Variants in MYO16 observed in about 807,000 individuals in gnomAD.
MYO16 encodes unconventional myosin-XVI.
A neutral mutation model predicts 205.3 loss-of-function variants in MYO16; 94 were observed. The observed-to-expected ratio is 0.46, with a 90% CI of 0.39 to 0.54. MYO16 has a LOEUF of 0.54. MYO16 is among the 20% of genes least tolerant of loss of function. The pLI is 0.00. For synonymous variants in MYO16, 988 were observed against 954.0 expected (o/e 1.04, Z -0.66); for missense variants, 2,315 against 2,387.5 (o/e 0.97, Z 0.63).
In MYO16 at chr13:108,705,495, T is replaced by C. The variant is rs548804114; in HGVS notation, c.293-7166T>C. ...TGAAGAGAGAAGGAGACCACATTCA[T>C]ATAACTTTTATTACAGTATATTGTT... On this transcript the variant is annotated intron_variant, in intron 2 of 34. Transcript: ENST00000457511. 9.2e-5 allele frequency among the ~76,000 whole-genome samples: 14 copies of C among 152,364 alleles called. No individual in the cohort carries two copies. The South Asian group carries it at 2.7e-3, about 29-fold the overall frequency.
chr13:109,045,883 G>A (rs1158320288), intron 23 of MYO16, among the ~76,000 whole-genome samples: 1 of 152,164 alleles, frequency 6.6e-6, no homozygotes, highest in East Asian at 1.9e-4. Context: ...AAAGAACTCA[G>A]GTTAGCCATC....
chr13:108,917,265 G>T (rs920018848), intron 16 of MYO16, among the ~76,000 whole-genome samples: 14 of 152,182 alleles, frequency 9.2e-5, no homozygotes, highest in African/African-American at 2.9e-4. Flanking sequence ...CCCATCCCGG[G>T]CCCCTAAGTT....
At chr13:108,533,353 G>T in the MYO16 span, among the ~76,000 whole-genome samples, 4 of 152,186 alleles carry the variant, frequency 2.6e-5, no homozygotes, top group Non-Finnish European at 5.9e-5. Context: ...GATGACTCAG[G>T]GTGGGGCTGG....
chr13:109,032,207 A>G (rs2139558474), intron 23 of MYO16, among the ~76,000 whole-genome samples: 1 of 152,102 alleles, frequency 6.6e-6, no homozygotes, highest in African/African-American at 2.4e-5. Flanking sequence ...ATGATTTCCA[A>G]CTTCCCATGT....
chr13:109,127,395 T>C lies in MYO16; in HGVS notation c.3896T>C (p.Leu1299Pro), dbSNP rs936252879. The C allele has an allele frequency of 1.2e-6, 2 of 1,614,032 alleles. No homozygotes were observed. The highest frequency in any genetic ancestry group is 1.7e-6 in the Non-Finnish European group (2 of 1,180,004). ...GGCCCGTCCATCTGGTCTCCTTCGC[T>C]GCACTCGGTGTTCAGCATGGATGAC... ...LVGPSIWSPS[L>P]HSVFSMDDSS... is the part of the protein sequence containing the mutation. Residue 1299 changes from leucine to proline, a missense_variant, in exon 31 of 35, where the codon CTG (leucine) becomes CCG (proline). By Grantham distance (98) the Leu-to-Pro change is moderately conservative (BLOSUM62 -3). Coordinates refer to ENST00000457511, the MANE Select transcript of MYO16 (RefSeq NM_001198950.3). This position sits in a 1 kb window ranked among gnomAD's most constrained non-coding sequence, Gnocchi z 4.2.
the MYO16 span, among the ~76,000 whole-genome samples, chr13:108,588,708 G>A: frequency 3.3e-5 from 5 of 152,100 alleles, no homozygotes; most frequent in East Asian, 5.8e-4. Context: ...ATGAAAGAAT[G>A]TGTTATGTGT....
intron 4 of MYO16, among the ~76,000 whole-genome samples, chr13:108,738,689 C>T (rs1197879760): frequency 6.6e-6 from 1 of 152,002 alleles, no homozygotes; most frequent in Non-Finnish European, 1.5e-5. Context: ...TCCTGGATAT[C>T]CTTGTTAACT....
intron 14 of MYO16, among the ~76,000 whole-genome samples, chr13:108,894,599 C>A (rs1256381176): frequency 1.3e-5 from 2 of 152,096 alleles, no homozygotes; most frequent in African/African-American, 4.8e-5. Flanking sequence ...CCAGAAATGA[C>A]TTTTGGTGAT....
chr13:109,023,287 A>G (rs1240366505), intron 23 of MYO16, among the ~76,000 whole-genome samples: 3 of 96,824 alleles, frequency 3.1e-5, no homozygotes, highest in Non-Finnish European at 5.5e-5. Flanking sequence ...ATATATTTAT[A>G]TATTATACAG....
intron 13 of MYO16, chr13:108,886,597 C>T (rs369086139): frequency 4.7e-6 from 2 of 426,352 alleles, no homozygotes; most frequent in East Asian, 7.1e-5. Flanking sequence ...GCTCCACCCC[C>T]CGTCCTTCCA....
upstream of MYO16, among the ~76,000 whole-genome samples, chr13:108,626,712 G>A (rs1294517306): frequency 6.6e-6 from 1 of 151,760 alleles, no homozygotes; most frequent in East Asian, 1.9e-4. Flanking sequence ...GCTGAAACAG[G>A]AGAATTGCTT....
At position 109,175,854 on chromosome 13, in the gene MYO16, C is replaced by T. The variant is rs574566629; in HGVS notation, c.5324-3688C>T. Among the ~76,000 whole-genome samples the T allele has an allele frequency of 1.6e-3, 242 of 151,820 alleles. 12 individuals are homozygous for T. The highest frequency in any genetic ancestry group is 1.3e-3 in the Non-Finnish European group (86 of 68,004). ...TGGAGTCTTCACCCTGGTTAAAATG[C>T]GCCGTGGGATTCTCTACCCACGCAG... On this transcript the variant is annotated intron_variant, in intron 33 of 34. Coordinates refer to ENST00000457511, the MANE Select transcript of MYO16 (RefSeq NM_001198950.3).
intron 4 of MYO16, among the ~76,000 whole-genome samples, chr13:108,760,798 A>C (rs1399946057): frequency 6.6e-6 from 1 of 152,092 alleles, no homozygotes. Context: ...CCTGTTAATC[A>C]ATCGCTTTTT....
intron 32 of MYO16, among the ~76,000 whole-genome samples, chr13:109,156,407 T>C (rs982971578): frequency 6.6e-6 from 1 of 152,216 alleles, no homozygotes; most frequent in Non-Finnish European, 1.5e-5. Flanking sequence ...AATTTTCCTA[T>C]AGAGTTTCAG....
chr13:109,190,131 C>T (rs1879850742), intron 34 of MYO16, among the ~76,000 whole-genome samples: 1 of 151,832 alleles, frequency 6.6e-6, no homozygotes, highest in Admixed American at 6.6e-5. Context: ...GAAAATCTTT[C>T]TACATTTTTA....
intron 1 of MYO16, among the ~76,000 whole-genome samples, chr13:108,649,611 A>C (rs1027480984): frequency 2.0e-5 from 3 of 152,342 alleles, no homozygotes; most frequent in African/African-American, 4.8e-5. Context: ...TTCAATAAGC[A>C]AGGTAGAACC....
intron 28 of MYO16, among the ~76,000 whole-genome samples, chr13:109,116,483 A>T (rs1224349465): frequency 6.6e-6 from 1 of 152,050 alleles, no homozygotes; most frequent in Non-Finnish European, 1.5e-5. Flanking sequence ...TCCCAGAAAG[A>T]AGTCCTTTTC....
intron 5 of MYO16, among the ~76,000 whole-genome samples, chr13:108,791,764 A>G (rs1397077556): frequency 6.6e-6 from 1 of 152,240 alleles, no homozygotes; most frequent in African/African-American, 2.4e-5. Flanking sequence ...TACATCTTAA[A>G]AGTATGAACT....
intron 14 of MYO16, among the ~76,000 whole-genome samples, chr13:108,893,992 A>G (rs1326129990): frequency 6.6e-6 from 1 of 152,184 alleles, no homozygotes; most frequent in South Asian, 2.1e-4. Flanking sequence ...ATTTTTTAAA[A>G]AAAGGAGGTT....
Sources: allele counts gnomAD v4.1 joint callset (sites outside exome capture counted in the v4.1 genomes callset), GRCh38; gene constraint gnomAD v4.1.1; non-coding constraint Gnocchi (gnomAD v3.1); transcripts MANE v1.5; gene names NCBI Gene and HGNC (gene_info 2026-07-23, HGNC 2026-07-21).